The following NRG1 variants were observed in gnomAD, a reference collection of about 807,000 sequenced individuals.
NRG1 encodes pro-neuregulin-1, membrane-bound isoform.
Under a neutral mutation model 63.8 loss-of-function variants are expected in NRG1, and 18 were observed. The ratio of observed to expected loss-of-function variants is 0.28; its 90% CI spans 0.19 to 0.42. The LOEUF (loss-of-function observed/expected upper bound fraction) is 0.42, where lower values mean the gene tolerates loss of function less well. Among genes scored for constraint, NRG1 ranks in the 10% least tolerant of loss-of-function variants. NRG1 has a pLI of 1.00. For missense variants in NRG1, 762 were observed against 814.7 expected (o/e 0.94, Z 0.79); for synonymous variants, 302 against 301.3 (o/e 1.00, Z -0.02).
At chr8:32,322,052 C>T (rs1204154087) in intron 1 of NRG1, among the ~76,000 whole-genome samples, 1 of 151,930 alleles carries the variant, frequency 6.6e-6, no homozygotes, top group Non-Finnish European at 1.5e-5. Flanking sequence ...GTGGTGCATA[C>T]CTGTATCCCC....
chr8:32,303,915 TA>T (rs1298137510), intron 1 of NRG1, among the ~76,000 whole-genome samples: 2 of 152,224 alleles, frequency 1.3e-5, no homozygotes, highest in Non-Finnish European at 2.9e-5. Context: ...TAAATGTTGA[TA>T]GTCTCTCAAT....
chr8:32,717,521 T>C (rs1468635588), intron 5 of NRG1, among the ~76,000 whole-genome samples: 1 of 152,148 alleles, frequency 6.6e-6, no homozygotes, highest in Admixed American at 6.6e-5. Context: ...TGGGAAAATA[T>C]ATGGACTGAA....
At chr8:32,274,212 C>T (rs1851846222) in intron 1 of NRG1, among the ~76,000 whole-genome samples, 1 of 152,210 alleles carries the variant, frequency 6.6e-6, no homozygotes, top group Non-Finnish European at 1.5e-5. Flanking sequence ...ACACCCTGCC[C>T]TCCTTGTGCA....
intron 1 of NRG1, among the ~76,000 whole-genome samples, chr8:31,672,172 G>A (rs1807222383): frequency 6.6e-6 from 1 of 152,044 alleles, no homozygotes; most frequent in Non-Finnish European, 1.5e-5. Flanking sequence ...TAGTTGGGTA[G>A]GGTGGTACTG....
intron 1 of NRG1, among the ~76,000 whole-genome samples, chr8:32,271,171 C>T (rs1244617252): frequency 6.6e-6 from 1 of 152,092 alleles, no homozygotes; most frequent in Non-Finnish European, 1.5e-5. Context: ...TTTCCAAAAA[C>T]TGCGTGAATA....
At chr8:31,958,557 G>C (rs1374444608) in intron 1 of NRG1, among the ~76,000 whole-genome samples, 1 of 152,188 alleles carries the variant, frequency 6.6e-6, no homozygotes, top group Non-Finnish European at 1.5e-5. Flanking sequence ...CCTACATGGA[G>C]AATGTAGTGA....
At chr8:32,311,940 G>C (rs539021688) in intron 1 of NRG1, among the ~76,000 whole-genome samples, 1 of 152,068 alleles carries the variant, frequency 6.6e-6, no homozygotes, top group Non-Finnish European at 1.5e-5. Flanking sequence ...AGTTGAAATT[G>C]CTTCCGATTT....
intron 1 of NRG1, among the ~76,000 whole-genome samples, chr8:32,458,328 AAAAT>A (rs1412934470): frequency 2.6e-5 from 4 of 152,210 alleles, no homozygotes; most frequent in Non-Finnish European, 5.9e-5. Context: ...CAATAAGAAT[AAAAT>A]AAATAAATGA....
chr8:32,725,461 CTAATTTT>C (rs1821853996), intron 5 of NRG1, among the ~76,000 whole-genome samples: 1 of 121,616 alleles, frequency 8.2e-6, no homozygotes, highest in African/African-American at 3.1e-5. Context: ...GGCAAACTTC[CTAATTTT>C]TTTTTTTTTT....
chr8:31,966,928 T>C (rs1343781999), intron 1 of NRG1, among the ~76,000 whole-genome samples: 1 of 152,180 alleles, frequency 6.6e-6, no homozygotes, highest in Middle Eastern at 3.2e-3. Context: ...CAAATAACCC[T>C]AAACCATAGA....
upstream of NRG1, among the ~76,000 whole-genome samples, chr8:32,546,036 TG>T (rs1252246687): frequency 6.6e-6 from 1 of 152,184 alleles, no homozygotes; most frequent in Non-Finnish European, 1.5e-5. Flanking sequence ...CTAAAATTCC[TG>T]TAGGAATCCT....
intron 1 of NRG1, among the ~76,000 whole-genome samples, chr8:32,485,457 GCTTCTAT>G (rs1223956460): frequency 1.3e-5 from 2 of 152,082 alleles, no homozygotes; most frequent in Non-Finnish European, 2.9e-5. Context: ...TTAATAATAA[GCTTCTAT>G]CTTTCCTTAA....
chr8:31,722,922 T>G (rs1236063333), intron 1 of NRG1, among the ~76,000 whole-genome samples: 1 of 152,152 alleles, frequency 6.6e-6, no homozygotes, highest in Admixed American at 6.6e-5. Flanking sequence ...TAAACTATTT[T>G]GGTGACCATG....
intron 1 of NRG1, among the ~76,000 whole-genome samples, chr8:32,453,636 T>A (rs1314827759): frequency 1.3e-5 from 2 of 152,216 alleles, no homozygotes; most frequent in Admixed American, 1.3e-4. Flanking sequence ...CTCAGAGGCT[T>A]TTCTGCAGTA....
chr8:32,466,371 C>CAAAAAA (rs35722571), intron 1 of NRG1, among the ~76,000 whole-genome samples: 41 of 125,112 alleles, frequency 3.3e-4, no homozygotes, highest in Admixed American at 1.3e-3. Flanking sequence ...ACCTTGACAT[C>CAAAAAA]AAAAAAAAAA....
intron 1 of NRG1, among the ~76,000 whole-genome samples, chr8:32,489,506 G>A (rs1303374614): frequency 1.1e-4 from 17 of 152,034 alleles, no homozygotes; most frequent in Admixed American, 1.0e-3. Context: ...TGGTTAGGGC[G>A]GGGGGCACTG....
chr8:32,117,508 C>A (rs1183174722), intron 1 of NRG1, among the ~76,000 whole-genome samples: 1 of 151,914 alleles, frequency 6.6e-6, no homozygotes, highest in East Asian at 1.9e-4. Context: ...TGACTTGAAC[C>A]CACCCCACTG....
chr8:32,164,377 C>T (rs1380172062), intron 1 of NRG1, among the ~76,000 whole-genome samples: 1 of 152,150 alleles, frequency 6.6e-6, no homozygotes, highest in African/African-American at 2.4e-5. Flanking sequence ...TCATGAAGCA[C>T]ACCAGCCAAT....
At chr8:32,539,999 G>A (rs938513324) in intron 1 of NRG1, among the ~76,000 whole-genome samples, 2 of 152,172 alleles carry the variant, frequency 1.3e-5, no homozygotes, top group Non-Finnish European at 2.9e-5. Flanking sequence ...AGACGAGACA[G>A]AGTCCTTGAA....
Sources: allele counts gnomAD v4.1 joint callset (sites outside exome capture counted in the v4.1 genomes callset), GRCh38; gene constraint gnomAD v4.1.1; transcripts MANE v1.5; gene names NCBI Gene and HGNC (gene_info 2026-07-23, HGNC 2026-07-21).